Variants in IL1RAP observed in about 807,000 individuals in gnomAD.
IL1RAP encodes the protein interleukin-1 receptor accessory protein.
IL1RAP carries 35 observed loss-of-function variants against 60.7 expected under a neutral mutation model. The ratio of observed to expected loss-of-function variants is 0.58; its 90% CI spans 0.44 to 0.76. IL1RAP has a LOEUF of 0.76. Ranked by LOEUF, IL1RAP falls within the 30% of genes least tolerant of loss-of-function variation. The pLI is 0.00. For missense variants in IL1RAP, 572 were observed against 693.9 expected, an observed-to-expected ratio of 0.82 and a Z score of 1.97; for synonymous variants, 268 against 250.9, an observed-to-expected ratio of 1.07 and a Z score of -0.64.
chr3:190,593,556 C>T (rs1729123422), intron 3 of IL1RAP, among the ~76,000 whole-genome samples: 1 of 152,118 alleles, frequency 6.6e-6, no homozygotes, highest in Non-Finnish European at 1.5e-5. Flanking sequence ...GGCTAGGGAG[C>T]CCTCACAATC....
Position 190,609,190 on chromosome 3 carries a change from A to C in IL1RAP, c.537+9A>C. 6.4e-7 allele frequency: 1 copy of C among 1,569,824 alleles called. No homozygotes were observed. Among genetic ancestry groups the C allele is most frequent in the Non-Finnish European group, 8.7e-7 (1 of 1,150,028 alleles). The stretch of plus-strand genomic sequence containing the variant: ...CTATCACTTGGTATATGGTAAGGAA[A>C]ATTAGACTACATTTTATTCTCTCTA... On this transcript the variant is annotated intron_variant, in intron 5 of 11. Coordinates refer to ENST00000447382, the MANE Select transcript of IL1RAP (RefSeq NM_002182.4).
chr3:190,604,861 A>G (rs1730165336), intron 4 of IL1RAP, among the ~76,000 whole-genome samples: 1 of 152,170 alleles, frequency 6.6e-6, no homozygotes, highest in East Asian at 1.9e-4. Context: ...CCTCCCAAAT[A>G]TGTGTGATGT....
intron 3 of IL1RAP, among the ~76,000 whole-genome samples, chr3:190,598,113 A>T (rs1388689867): frequency 6.6e-6 from 1 of 152,212 alleles, no homozygotes; most frequent in Non-Finnish European, 1.5e-5. Context: ...AGTGGGTTAT[A>T]GGAAAGATAC....
intron 4 of IL1RAP, among the ~76,000 whole-genome samples, chr3:190,607,680 T>C (rs1303117616): frequency 1.3e-5 from 2 of 152,154 alleles, no homozygotes. Context: ...TGTGTGAACA[T>C]TATAGCACCA....
intron 3 of IL1RAP, among the ~76,000 whole-genome samples, chr3:190,592,841 C>A (rs1208646799): frequency 6.6e-6 from 1 of 152,114 alleles, no homozygotes; most frequent in Non-Finnish European, 1.5e-5. Flanking sequence ...TTACCTCTTT[C>A]TTTTCTTCTT....
chr3:190,560,242 A>C (rs1725770272), intron 2 of IL1RAP, among the ~76,000 whole-genome samples: 1 of 152,236 alleles, frequency 6.6e-6, no homozygotes, highest in Non-Finnish European at 1.5e-5. Context: ...GGATTAGGGC[A>C]GGATTGGGAC....
At chr3:190,567,326 G>A (rs1476310521) in intron 3 of IL1RAP, among the ~76,000 whole-genome samples, 1 of 152,092 alleles carries the variant, frequency 6.6e-6, no homozygotes, top group Non-Finnish European at 1.5e-5. Flanking sequence ...AATTATAATA[G>A]CGATTCTATA....
intron 9 of IL1RAP, 46 bp from the exon 10 acceptor site, chr3:190,644,202 G>A: frequency 1.3e-6 from 2 of 1,582,666 alleles, no homozygotes; most frequent in African/African-American, 1.3e-5. Flanking sequence ...GGGTCACTGT[G>A]GTCACCACAC....
intron 3 of IL1RAP, among the ~76,000 whole-genome samples, chr3:190,572,111 C>T (rs980861920): frequency 6.6e-6 from 1 of 152,110 alleles, no homozygotes; most frequent in Non-Finnish European, 1.5e-5. Context: ...ATGCAAAAAC[C>T]TACTAGCTTT....
rs193283410 is a variant in IL1RAP, at chr3:190,611,301, C to T, written c.537+2120C>T. On this transcript the variant is annotated intron_variant, in intron 5 of 11. Transcript: ENST00000447382. ...ATTACCAAATTAATTAAACCTGAGT[C>T]GGATTAAGCCTTTGGATCCCACTGT... Among the ~76,000 whole-genome samples the T allele has an allele frequency of 3.9e-5, 6 of 152,190 alleles. No homozygotes were observed. The East Asian group carries it at 9.6e-4, about 24-fold the overall frequency.
At chr3:190,582,248 T>G (rs1170486307) in intron 3 of IL1RAP, among the ~76,000 whole-genome samples, 1 of 152,146 alleles carries the variant, frequency 6.6e-6, no homozygotes, top group Non-Finnish European at 1.5e-5. Context: ...GTGGCTCTTA[T>G]CTGCTCCTCT....
At chr3:190,539,549 G>A (rs1168574821) in intron 1 of IL1RAP, among the ~76,000 whole-genome samples, 4 of 151,406 alleles carry the variant, frequency 2.6e-5, no homozygotes, top group East Asian at 1.9e-4. Context: ...TTTCTTTTGC[G>A]GTTTTCTTAG....
chr3:190,627,207 T>C, intron 7 of IL1RAP, 116 bp from the exon 8 acceptor site: 1 of 799,142 alleles, frequency 1.3e-6, no homozygotes. Context: ...GTAGAACCAA[T>C]ATAGCCATGT....
chr3:190,617,450 T>C (rs1362107037), intron 5 of IL1RAP, among the ~76,000 whole-genome samples: 1 of 152,194 alleles, frequency 6.6e-6, no homozygotes, highest in East Asian at 1.9e-4. Context: ...CATAGCATGG[T>C]TGAAAAATCG....
chr3:190,597,473 TC>T (rs1007816782), intron 3 of IL1RAP, among the ~76,000 whole-genome samples: 1 of 152,154 alleles, frequency 6.6e-6, no homozygotes, highest in Non-Finnish European at 1.5e-5. Context: ...GTGGCAGGAA[TC>T]CAGATTCCTC....
intron 9 of IL1RAP, among the ~76,000 whole-genome samples, chr3:190,639,632 A>G (rs1194125776): frequency 6.6e-6 from 1 of 151,804 alleles, no homozygotes; most frequent in African/African-American, 2.4e-5. Flanking sequence ...ATTAGCTAAT[A>G]TAGACTTTTT....
intron 3 of IL1RAP, among the ~76,000 whole-genome samples, chr3:190,588,575 G>C (rs1440895002): frequency 6.6e-6 from 1 of 152,174 alleles, no homozygotes; most frequent in African/African-American, 2.4e-5. Context: ...CAAGATGTTT[G>C]TGTGTGTAGT....
intron 1 of IL1RAP, among the ~76,000 whole-genome samples, chr3:190,522,419 G>GTATCTATGTATCTATC (rs1722148942): frequency 2.8e-5 from 4 of 142,746 alleles, no homozygotes; most frequent in African/African-American, 1.1e-4. Flanking sequence ...ATGTATCTAT[G>GTATCTATGTATCTATC]TATCTATCTA....
chr3:190,642,696 A>G (rs1005161221), intron 9 of IL1RAP, among the ~76,000 whole-genome samples: 1 of 152,158 alleles, frequency 6.6e-6, no homozygotes, highest in Non-Finnish European at 1.5e-5. Context: ...ACTAATCACT[A>G]TTTAAAATTA....
Sources: allele counts gnomAD v4.1 joint callset (sites outside exome capture counted in the v4.1 genomes callset), GRCh38; gene constraint gnomAD v4.1.1; transcripts MANE v1.5; gene names NCBI Gene and HGNC (gene_info 2026-07-23, HGNC 2026-07-21).